The following LRMDA variants were observed in gnomAD, a reference collection of about 807,000 sequenced individuals.
The protein encoded by LRMDA is leucine rich melanocyte differentiation associated.
LRMDA carries 18 observed loss-of-function variants against 29.8 expected under a neutral mutation model. The ratio of observed to expected loss-of-function variants is 0.60; its 90% CI spans 0.42 to 0.90. LRMDA has a LOEUF of 0.90. LRMDA is among the 40% of genes least tolerant of loss of function. LRMDA has a pLI of 0.00. For synonymous variants in LRMDA, 125 were observed against 109.4 expected (o/e 1.14, Z -0.89); for missense variants, 273 against 273.9 (o/e 1.00, Z 0.02).
rs572788468 is a variant in LRMDA at position 76,024,429 on chromosome 10, T to C, written c.132-11579T>C. Among the ~76,000 whole-genome samples the C allele has an allele frequency of 1.1e-3, 170 of 152,330 alleles. 1 individual carries two copies. Among genetic ancestry groups the C allele is most frequent in the African/African-American group, 3.9e-3 (161 of 41,576 alleles). ...ATTCTTTGAGAGGTTTTGTGAACCA[T>C]AGAGCTAGAGCTATTCTGGAAGAAA... On this transcript the variant is annotated intron_variant, in intron 2 of 6. Transcript: ENST00000611255.
chr10:76,516,392 G>A (rs1280435091), intron 6 of LRMDA, among the ~76,000 whole-genome samples: 2 of 152,056 alleles, frequency 1.3e-5, no homozygotes, highest in African/African-American at 4.8e-5. Flanking sequence ...TGTGCACAAT[G>A]TGCAGGTTTG....
intron 2 of LRMDA, among the ~76,000 whole-genome samples, chr10:75,885,388 G>C (rs1845369820): frequency 6.6e-6 from 1 of 152,122 alleles, no homozygotes; most frequent in South Asian, 2.1e-4. Flanking sequence ...GTGTGACTTT[G>C]GGCAAGCCTC....
At chr10:75,991,623 A>G (rs1333611221) in intron 2 of LRMDA, among the ~76,000 whole-genome samples, 1 of 152,238 alleles carries the variant, frequency 6.6e-6, no homozygotes, top group Non-Finnish European at 1.5e-5. Context: ...ATTCTGACCC[A>G]TAGCCGTGTT....
chr10:75,535,394 T>C (rs1408812798), intron 2 of LRMDA, among the ~76,000 whole-genome samples: 2 of 152,206 alleles, frequency 1.3e-5, no homozygotes, highest in Non-Finnish European at 2.9e-5. Context: ...TTTATTTATT[T>C]ATTTATTTCT....
chr10:76,175,814 G>T (rs1850923569), intron 5 of LRMDA, among the ~76,000 whole-genome samples: 1 of 152,188 alleles, frequency 6.6e-6, no homozygotes. Context: ...AGTTGGGGTT[G>T]GGCCTTCCTG....
intron 5 of LRMDA, among the ~76,000 whole-genome samples, chr10:76,198,027 T>C (rs1487992551): frequency 1.3e-5 from 2 of 152,188 alleles, no homozygotes; most frequent in Non-Finnish European, 2.9e-5. Flanking sequence ...CCAGGCTACA[T>C]GAGATCTTGC....
At chr10:76,451,722 C>G (rs1386362363) in intron 6 of LRMDA, among the ~76,000 whole-genome samples, 1 of 143,914 alleles carries the variant, frequency 6.9e-6, no homozygotes, top group Non-Finnish European at 1.5e-5. Context: ...CAATGGTGTG[C>G]TCTTGTCTCA....
At chr10:75,515,226 G>A (rs184818256) in intron 2 of LRMDA, among the ~76,000 whole-genome samples, 8 of 152,306 alleles carry the variant, frequency 5.3e-5, no homozygotes, top group African/African-American at 1.9e-4. Flanking sequence ...GTGGATGGTG[G>A]TGGGGAGTAG....
chr10:76,231,469 A>G lies in LRMDA; in HGVS notation c.517-92932A>G, dbSNP rs547135756. ...AGTGTGGAGAATGCAGAGAGACCCA[A>G]GGAGGTGCTGGGTATTGTGATTCTC... On this transcript the variant is annotated intron_variant, in intron 5 of 6. Transcript: ENST00000611255. 3.9e-5 allele frequency among the ~76,000 whole-genome samples: 6 copies of G among 152,364 alleles called. No individual in the cohort carries two copies. The South Asian group carries it at 1.2e-3, about 32-fold the overall frequency.
chr10:75,815,346 C>G (rs2132275382), intron 2 of LRMDA, among the ~76,000 whole-genome samples: 1 of 152,336 alleles, frequency 6.6e-6, no homozygotes, highest in South Asian at 2.1e-4. Context: ...TCTCTGGTGT[C>G]TAGCATGGGG....
chr10:75,737,323 A>G (rs1218966129), intron 2 of LRMDA, among the ~76,000 whole-genome samples: 1 of 152,216 alleles, frequency 6.6e-6, no homozygotes, highest in African/African-American at 2.4e-5. Context: ...GCAATGAGAA[A>G]TAATTAGCTG....
intron 2 of LRMDA, among the ~76,000 whole-genome samples, chr10:75,683,961 G>T (rs1842053804): frequency 6.6e-6 from 1 of 152,168 alleles, no homozygotes; most frequent in Non-Finnish European, 1.5e-5. Context: ...AGTTTTATAG[G>T]TTTTTATGGA....
intron 5 of LRMDA, among the ~76,000 whole-genome samples, chr10:76,171,260 C>G (rs1423333257): frequency 6.6e-6 from 1 of 152,180 alleles, no homozygotes; most frequent in African/African-American, 2.4e-5. Context: ...CTCAGCCTCC[C>G]AGGTAGCTGG....
At chr10:75,665,655 A>G (rs1301927016) in intron 2 of LRMDA, among the ~76,000 whole-genome samples, 1 of 152,242 alleles carries the variant, frequency 6.6e-6, no homozygotes, top group Admixed American at 6.5e-5. Flanking sequence ...GTGAAATTAT[A>G]ATCTTCATTC....
At chr10:76,176,703 G>C (rs756202230) in intron 5 of LRMDA, among the ~76,000 whole-genome samples, 5 of 152,216 alleles carry the variant, frequency 3.3e-5, no homozygotes, top group Non-Finnish European at 7.3e-5. Context: ...TGGGGCAGGA[G>C]AATTGCTTGA....
chr10:75,884,904 G>A (rs779738289), intron 2 of LRMDA, among the ~76,000 whole-genome samples: 15 of 152,264 alleles, frequency 9.9e-5, no homozygotes, highest in Admixed American at 2.0e-4. Context: ...CAGTTTAGGA[G>A]GTCCGGGGAG....
At chr10:75,973,021 A>AGCAGCAG in intron 2 of LRMDA, among the ~76,000 whole-genome samples, 1 of 148,968 alleles carries the variant, frequency 6.7e-6, no homozygotes, top group South Asian at 2.2e-4. Flanking sequence ...CACTTTAACA[A>AGCAGCAG]CAGCAGCAGC....
intron 2 of LRMDA, among the ~76,000 whole-genome samples, chr10:75,901,893 C>T (rs1412355173): frequency 6.6e-6 from 1 of 152,148 alleles, no homozygotes; most frequent in Non-Finnish European, 1.5e-5. Context: ...CTCCCCAAGT[C>T]ATCAACCTGC....
intron 2 of LRMDA, among the ~76,000 whole-genome samples, chr10:75,587,076 C>T (rs567755361): frequency 2.0e-5 from 3 of 152,218 alleles, no homozygotes; most frequent in East Asian, 3.9e-4. Flanking sequence ...AGCCTTTCCT[C>T]GGTGTTTTCT....
Sources: gnomAD v4.1 joint callset for allele counts (sites outside exome capture counted in the v4.1 genomes callset) on GRCh38, gnomAD v4.1.1 for gene constraint, MANE v1.5 for transcripts, NCBI Gene and HGNC (gene_info 2026-07-23, HGNC 2026-07-21) for gene names.